Variants in KCNH7 observed in about 807,000 individuals in gnomAD.
The protein encoded by KCNH7 is potassium voltage-gated channel subfamily H member 7.
A neutral mutation model predicts 120.8 loss-of-function variants in KCNH7; 49 were observed. The observed-to-expected ratio is 0.41, with a 90% CI of 0.32 to 0.51. The LOEUF is 0.51. Among genes scored for constraint, KCNH7 ranks in the 20% least tolerant of loss-of-function variants. The pLI is 0.38. For missense variants in KCNH7, 1,097 were observed against 1,446.6 expected (o/e 0.76, Z 3.92); for synonymous variants, 547 against 516.1 (o/e 1.06, Z -0.81).
In KCNH7 at chr2:162,668,695, A is replaced by G. The variant is rs568948830; in HGVS notation, c.308-131615T>C. On this transcript the variant is annotated intron_variant, in intron 2 of 15. Transcript: ENST00000332142. ...ATGAGCACACACTCACAAAACACAC[A>G]CAAGAATAAGGTATCATGAATGAAA... 1.6e-3 allele frequency among the ~76,000 whole-genome samples: 247 copies of G among 152,248 alleles called. 2 individuals are homozygous for G. Among genetic ancestry groups the G allele is most frequent in the African/African-American group, 5.7e-3 (236 of 41,546 alleles).
intron 2 of KCNH7, among the ~76,000 whole-genome samples, chr2:162,686,448 T>G (rs1685894672): frequency 6.6e-6 from 1 of 152,276 alleles, no homozygotes; most frequent in Middle Eastern, 3.4e-3. Context: ...TTCTATTTAT[T>G]ATCAGAGATA....
chr2:162,624,887 T>C (rs113664594), intron 2 of KCNH7, among the ~76,000 whole-genome samples: 17 of 141,182 alleles, frequency 1.2e-4, no homozygotes, highest in African/African-American at 4.2e-4. Context: ...CGTGCACTCT[T>C]GGTTTTTTTT....
chr2:162,548,006 G>A (rs1054917592), intron 2 of KCNH7, among the ~76,000 whole-genome samples: 4 of 149,722 alleles, frequency 2.7e-5, no homozygotes, highest in African/African-American at 9.9e-5. Context: ...GAAAGTAAAG[G>A]TATTTTTTTC....
At chr2:162,405,294 C>G (rs1687177882) in intron 9 of KCNH7, among the ~76,000 whole-genome samples, 1 of 151,922 alleles carries the variant, frequency 6.6e-6, no homozygotes, top group African/African-American at 2.4e-5. Context: ...ATATGAAATG[C>G]TTTCTGTGAT....
chr2:162,434,088 C>A (rs530360162), intron 8 of KCNH7, among the ~76,000 whole-genome samples: 5 of 151,916 alleles, frequency 3.3e-5, no homozygotes, highest in African/African-American at 1.2e-4. Flanking sequence ...AGCAACATGG[C>A]GGCAGCTGGA....
At chr2:162,492,110 C>G (rs1433106126) in intron 6 of KCNH7, among the ~76,000 whole-genome samples, 1 of 152,210 alleles carries the variant, frequency 6.6e-6, no homozygotes, top group Non-Finnish European at 1.5e-5. Flanking sequence ...CTCCCTCTCC[C>G]TGTGCAAACC....
chr2:162,607,220 CAAA>C (rs34786286), intron 2 of KCNH7, among the ~76,000 whole-genome samples: 20,238 of 111,956 alleles, frequency 0.18, 2,673 homozygotes, highest in East Asian at 0.42. Context: ...ACTAAAAATA[CAAA>C]AAAAAAAAAA....
chr2:162,481,174 A>T (rs1689918898), intron 6 of KCNH7, among the ~76,000 whole-genome samples: 1 of 152,096 alleles, frequency 6.6e-6, no homozygotes, highest in Non-Finnish European at 1.5e-5. Context: ...TTTCCCACTC[A>T]ACTAGATGGC....
chr2:162,427,096 A>G (rs150418229), intron 8 of KCNH7, among the ~76,000 whole-genome samples: 188 of 151,762 alleles, frequency 1.2e-3, no homozygotes, highest in African/African-American at 4.1e-3. Context: ...TCATATGGCT[A>G]TACCACAGTT....
intron 2 of KCNH7, among the ~76,000 whole-genome samples, chr2:162,731,185 T>G (rs1486312927): frequency 1.3e-5 from 2 of 150,416 alleles, no homozygotes; most frequent in African/African-American, 4.9e-5. Flanking sequence ...GCAATGCATT[T>G]TGACTCTTAA....
intron 2 of KCNH7, among the ~76,000 whole-genome samples, chr2:162,637,147 T>C (rs1683989441): frequency 6.6e-6 from 1 of 152,138 alleles, no homozygotes; most frequent in South Asian, 2.1e-4. Context: ...TGAAAGTTGA[T>C]AGTGCCATTT....
chr2:162,663,003 G>T (rs535252301), intron 2 of KCNH7, among the ~76,000 whole-genome samples: 1 of 152,274 alleles, frequency 6.6e-6, no homozygotes, highest in Admixed American at 6.5e-5. Flanking sequence ...TTATTTAATA[G>T]GTGAGAATAG....
intron 2 of KCNH7, among the ~76,000 whole-genome samples, chr2:162,590,484 T>C (rs888262261): frequency 6.6e-6 from 1 of 152,126 alleles, no homozygotes; most frequent in African/African-American, 2.4e-5. Flanking sequence ...CATACCTAAC[T>C]TGACCTGGAC....
intron 2 of KCNH7, among the ~76,000 whole-genome samples, chr2:162,808,538 G>A (rs182342709): frequency 4.6e-5 from 7 of 152,252 alleles, no homozygotes; most frequent in African/African-American, 1.7e-4. Context: ...TAACTTTTAA[G>A]TGATTTTTAA....
At chr2:162,571,275 T>C (rs935911362) in intron 2 of KCNH7, among the ~76,000 whole-genome samples, 1 of 152,168 alleles carries the variant, frequency 6.6e-6, no homozygotes, top group Non-Finnish European at 1.5e-5. Context: ...AGCCAAATCA[T>C]GAGTGGACTC....
intron 2 of KCNH7, among the ~76,000 whole-genome samples, chr2:162,752,944 A>AAAGCAAAGCAAAGCAAAGC (rs1688629660): frequency 9.7e-6 from 1 of 102,578 alleles, no homozygotes; most frequent in Non-Finnish European, 1.7e-5. Flanking sequence ...AAAAGAAAAG[A>AAAGCAAAGCAAAGCAAAGC]AAAGAAAAGA....
At chr2:162,808,966 T>A (rs977705955) in intron 2 of KCNH7, among the ~76,000 whole-genome samples, 9 of 152,126 alleles carry the variant, frequency 5.9e-5, no homozygotes, top group Admixed American at 5.2e-4. Flanking sequence ...GTTTGGAGGG[T>A]GAAGACTGTT....
intron 5 of KCNH7, among the ~76,000 whole-genome samples, chr2:162,506,247 G>C (rs1163222938): frequency 6.6e-6 from 1 of 151,718 alleles, no homozygotes; most frequent in Non-Finnish European, 1.5e-5. Context: ...AGAAATAAGA[G>C]CCAATAGTGG....
At chr2:162,626,785 G>T (rs973292223) in intron 2 of KCNH7, among the ~76,000 whole-genome samples, 1 of 152,082 alleles carries the variant, frequency 6.6e-6, no homozygotes, top group African/African-American at 2.4e-5. Context: ...TAACCACAAG[G>T]TGTATACATT....
Sources: allele counts gnomAD v4.1 joint callset (sites outside exome capture counted in the v4.1 genomes callset), GRCh38; gene constraint gnomAD v4.1.1; transcripts MANE v1.5; gene names NCBI Gene and HGNC (gene_info 2026-07-23, HGNC 2026-07-21).